The following TNIK variants were observed in gnomAD, a reference collection of about 807,000 sequenced individuals.
TNIK encodes the protein TRAF2 and NCK-interacting protein kinase.
A neutral mutation model predicts 191.3 loss-of-function variants in TNIK; 49 were observed. The ratio of observed to expected loss-of-function variants is 0.26; its 90% CI spans 0.20 to 0.32. The LOEUF (loss-of-function observed/expected upper bound fraction) is 0.32. Among genes scored for constraint, TNIK ranks in the 10% least tolerant of loss-of-function variants. The probability of loss-of-function intolerance (pLI) is 1.00; values close to 1 mark genes in which losing one functional copy is unlikely to be tolerated. For synonymous variants in TNIK, 594 were observed against 600.9 expected (o/e 0.99, Z 0.17); for missense variants, 1,155 against 1,702.3 (o/e 0.68, Z 5.66).
chr3:171,335,782 C>T (rs1174241012), intron 2 of TNIK, among the ~76,000 whole-genome samples: 1 of 152,058 alleles, frequency 6.6e-6, no homozygotes, highest in Non-Finnish European at 1.5e-5. Context: ...TGGGTAAATA[C>T]CTGCAAGTAG....
At chr3:171,194,418 T>C in intron 5 of TNIK, 107 bp downstream of exon 5, 1 of 971,394 alleles carries the variant, frequency 1.0e-6, no homozygotes. Flanking sequence ...GTTTTTGATA[T>C]GCTTATGAAT....
At chr3:171,316,920 CATATAAAAT>C (rs1754666641) in intron 2 of TNIK, among the ~76,000 whole-genome samples, 2 of 91,614 alleles carry the variant, frequency 2.2e-5, no homozygotes, top group African/African-American at 1.0e-4. Flanking sequence ...TGATATATAT[CATATAAAAT>C]ATATAATTAT....
At chr3:171,295,396 G>A (rs1752177118) in intron 2 of TNIK, among the ~76,000 whole-genome samples, 1 of 152,084 alleles carries the variant, frequency 6.6e-6, no homozygotes, top group Non-Finnish European at 1.5e-5. Flanking sequence ...CCCAAGAAAT[G>A]CAGAGACTGA....
intron 2 of TNIK, among the ~76,000 whole-genome samples, chr3:171,256,065 C>G (rs975679944): frequency 6.6e-6 from 1 of 151,810 alleles, no homozygotes; most frequent in Non-Finnish European, 1.5e-5. Flanking sequence ...CTTTGCCACA[C>G]AGAGGGAAAA....
chr3:171,381,079 A>G (rs77422448), intron 1 of TNIK, among the ~76,000 whole-genome samples: 1 of 151,350 alleles, frequency 6.6e-6, no homozygotes, highest in African/African-American at 2.4e-5. Context: ...TCAAGCTTTT[A>G]TATCTATGGC....
intron 2 of TNIK, among the ~76,000 whole-genome samples, chr3:171,359,968 T>C (rs756424299): frequency 2.0e-5 from 3 of 152,184 alleles, no homozygotes; most frequent in Non-Finnish European, 4.4e-5. Context: ...AAGGGTGTTA[T>C]GAGATCTAAA....
intron 1 of TNIK, among the ~76,000 whole-genome samples, chr3:171,386,449 A>G (rs1174542555): frequency 6.6e-6 from 1 of 151,352 alleles, no homozygotes; most frequent in Non-Finnish European, 1.5e-5. Flanking sequence ...GATGCTAACA[A>G]ATTTCTGGTT....
intron 2 of TNIK, among the ~76,000 whole-genome samples, chr3:171,327,905 A>T (rs959888603): frequency 3.8e-5 from 2 of 53,152 alleles, no homozygotes; most frequent in Admixed American, 2.9e-4. Context: ...GCTCATAAAA[A>T]AAAAAAAAAA....
Position 171,157,454 on chromosome 3 carries a change from C to T in TNIK, c.1221+6G>A, listed in dbSNP as rs1576991758. 1.3e-6 allele frequency: 2 copies of T among 1,557,784 alleles called. No homozygotes were observed. The highest frequency in any genetic ancestry group is 3.9e-5 in the Admixed American group (2 of 51,696). On this transcript the variant is annotated splice_donor_region_variant and intron_variant, in intron 12 of 32. Coordinates refer to ENST00000436636, the MANE Select transcript of TNIK (RefSeq NM_015028.4). ...GGGGTCAGAGGTGGCCCGAGCAGGTCCTCACCTCCTCCAGCCGCCGCCTCT... is the reference window on the plus strand; with the variant it reads ...GGGGTCAGAGGTGGCCCGAGCAGGTTCTCACCTCCTCCAGCCGCCGCCTCT...
At chr3:171,376,285 T>C (rs890497426) in intron 1 of TNIK, among the ~76,000 whole-genome samples, 4 of 152,306 alleles carry the variant, frequency 2.6e-5, no homozygotes, top group Non-Finnish European at 4.4e-5. Flanking sequence ...CCCCAGATTC[T>C]AGTTTATGCT....
intron 28 of TNIK, among the ~76,000 whole-genome samples, chr3:171,072,096 A>G (rs1385341787): frequency 1.3e-5 from 2 of 152,136 alleles, no homozygotes; most frequent in African/African-American, 2.4e-5. Context: ...ATAATAAGCA[A>G]TGTTTACGGT....
intron 1 of TNIK, among the ~76,000 whole-genome samples, chr3:171,380,804 G>A (rs573095672): frequency 6.6e-6 from 1 of 152,368 alleles, no homozygotes; most frequent in East Asian, 1.9e-4. Flanking sequence ...TTTTCTATGA[G>A]TAGGGAAATA....
Position 171,069,012 on chromosome 3 carries a change from C to G in TNIK, c.3550-15G>C, listed in dbSNP as rs1236887814. The G allele has an allele frequency of 6.2e-7, 1 of 1,604,906 alleles. No individual in the cohort carries two copies. Among genetic ancestry groups the G allele is most frequent in the Admixed American group, 1.7e-5 (1 of 58,806 alleles). Reference sequence around the variant, plus strand: ...TCTGCAAAAGACTTTAAAAATCACCCCATTAGTATCCGCATCACTCAAAGA... The same window carrying G: ...TCTGCAAAAGACTTTAAAAATCACCGCATTAGTATCCGCATCACTCAAAGA... On this transcript the variant is annotated splice_polypyrimidine_tract_variant and intron_variant, in intron 29 of 32. Transcript: ENST00000436636.
intron 2 of TNIK, among the ~76,000 whole-genome samples, chr3:171,306,324 AC>A (rs1360136051): frequency 1.3e-5 from 2 of 152,200 alleles, no homozygotes; most frequent in Non-Finnish European, 2.9e-5. Context: ...CCATGAGTTT[AC>A]CTATGTAACA....
intron 9 of TNIK, among the ~76,000 whole-genome samples, chr3:171,167,999 G>C (rs1734812469): frequency 6.6e-6 from 1 of 152,166 alleles, no homozygotes; most frequent in Non-Finnish European, 1.5e-5. Context: ...TTCACACCCA[G>C]ATGCAAATTT....
At chr3:171,442,513 C>A (rs1262530687) in intron 1 of TNIK, among the ~76,000 whole-genome samples, 1 of 152,182 alleles carries the variant, frequency 6.6e-6, no homozygotes, top group Non-Finnish European at 1.5e-5. Flanking sequence ...AGAAAGCAAA[C>A]CCTGTATCTG....
chr3:171,335,647 A>G (rs1219498548), intron 2 of TNIK, among the ~76,000 whole-genome samples: 1 of 152,172 alleles, frequency 6.6e-6, no homozygotes, highest in Non-Finnish European at 1.5e-5. Flanking sequence ...TGGATGTGGC[A>G]AGATTTGTTT....
At chr3:171,368,476 A>G (rs1215204085) in intron 2 of TNIK, among the ~76,000 whole-genome samples, 1 of 152,212 alleles carries the variant, frequency 6.6e-6, no homozygotes, top group Non-Finnish European at 1.5e-5. Context: ...AGACAGGATC[A>G]ACGTCAAGTG....
chr3:171,105,915 A>G lies in TNIK; in HGVS notation c.2406+1268T>C, dbSNP rs146540505. On this transcript the variant is annotated intron_variant, in intron 21 of 32. Transcript: ENST00000436636. ...TGTGATAATCCCTGCCCTTCTCACT[A>G]TTATGAGAGAGAGGGGCAAGCAAGG... is the stretch of plus-strand genomic sequence containing the variant. Among the ~76,000 whole-genome samples the G allele has an allele frequency of 6.7e-4, 102 of 152,170 alleles. 1 individual carries two copies. Among genetic ancestry groups the G allele is most frequent in the Non-Finnish European group, 1.3e-3 (88 of 68,034 alleles).
Sources: gnomAD v4.1 joint callset for allele counts (sites outside exome capture counted in the v4.1 genomes callset) on GRCh38, gnomAD v4.1.1 for gene constraint, MANE v1.5 for transcripts, NCBI Gene and HGNC (gene_info 2026-07-23, HGNC 2026-07-21) for gene names.